The following IRGM variants were observed in gnomAD, a reference collection of about 807,000 sequenced individuals.
IRGM encodes the protein immunity related GTPase M, also known as immunity-related GTPase family M protein.
For synonymous variants in IRGM, 98 were observed against 80.6 expected, an observed-to-expected ratio of 1.22 and a Z score of -1.16; for missense variants, 288 against 219.9, an observed-to-expected ratio of 1.31 and a Z score of -1.96.
In IRGM at chr5:150,896,527, C is replaced by T. The variant is rs766855152; in HGVS notation, c.*141-4062C>T. On this transcript the variant is annotated intron_variant and NMD_transcript_variant, in intron 3 of 3. Coordinates refer to the IRGM transcript ENST00000520549. The stretch of plus-strand genomic sequence containing the variant: ...CACTGATTATCATCAAAAGGTATTA[C>T]TCCATTGTGAATCTTCTCAAGATTA... 1.2e-5 allele frequency: 20 copies of T among 1,613,566 alleles called. No individual in the cohort carries two copies. Among genetic ancestry groups the T allele is most frequent in the Admixed American group, 1.7e-5 (1 of 59,890 alleles).
At chr5:150,877,405 A>G (rs186652249) in intron 1 of IRGM, among the ~76,000 whole-genome samples, 2 of 152,140 alleles carry the variant, frequency 1.3e-5, no homozygotes, top group South Asian at 4.1e-4. Context: ...TCTTTCCCTC[A>G]TGCTGAATGC....
intron 1 of IRGM, among the ~76,000 whole-genome samples, chr5:150,873,737 C>T (rs1435846626): frequency 6.6e-6 from 1 of 152,184 alleles, no homozygotes; most frequent in African/African-American, 2.4e-5. Flanking sequence ...TGGCAGAACC[C>T]CCACAGTGGC....
intron 2 of IRGM, among the ~76,000 whole-genome samples, chr5:150,879,305 A>G (rs11747270): frequency 0.21 from 31,803 of 152,138 alleles, 5,370 homozygotes; most frequent in African/African-American, 0.45. Flanking sequence ...TGAGGTCTGT[A>G]TTACATAAAT....
At chr5:150,865,705 A>C (rs1302187432) in intron 1 of IRGM, among the ~76,000 whole-genome samples, 1 of 152,206 alleles carries the variant, frequency 6.6e-6, no homozygotes, top group Non-Finnish European at 1.5e-5. Context: ...ACGCCTCTCC[A>C]CATTTCTAAA....
chr5:150,883,359 GA>G (rs1754472655), intron 3 of IRGM, among the ~76,000 whole-genome samples: 1 of 143,732 alleles, frequency 7.0e-6, no homozygotes, highest in African/African-American at 2.8e-5. Flanking sequence ...AAAAAGATAA[GA>G]AAAACTAAGC....
chr5:150,885,036 T>A (rs566089657), intron 3 of IRGM, among the ~76,000 whole-genome samples: 9 of 152,180 alleles, frequency 5.9e-5, no homozygotes, highest in Admixed American at 1.3e-4. Context: ...TTCCAGAATG[T>A]TTATAGTTTT....
intron 1 of IRGM, among the ~76,000 whole-genome samples, chr5:150,873,607 G>T (rs761099201): frequency 2.0e-5 from 3 of 151,960 alleles, no homozygotes; most frequent in African/African-American, 4.9e-5. Flanking sequence ...TGGAGATCAG[G>T]TAATTAATGG....
intron 3 of IRGM, among the ~76,000 whole-genome samples, chr5:150,885,409 C>G (rs1016458236): frequency 6.6e-6 from 1 of 151,866 alleles, no homozygotes; most frequent in African/African-American, 2.4e-5. Flanking sequence ...ATCTTTTTGT[C>G]TTCCATATGA....
chr5:150,861,570 C>A (rs937624893), intron 1 of IRGM, among the ~76,000 whole-genome samples: 42 of 152,092 alleles, frequency 2.8e-4, no homozygotes, highest in African/African-American at 1.0e-3. Context: ...TCCAAATGGG[C>A]ATGTTTGTTC....
intron 1 of IRGM, among the ~76,000 whole-genome samples, chr5:150,863,874 A>C (rs1649753696): frequency 1.3e-5 from 2 of 152,300 alleles, no homozygotes; most frequent in African/African-American, 2.4e-5. Flanking sequence ...CTAGTTTTGA[A>C]AGGGTCTTCC....
At chr5:150,877,131 T>G (rs1347105084) in intron 1 of IRGM, among the ~76,000 whole-genome samples, 1 of 152,158 alleles carries the variant, frequency 6.6e-6, no homozygotes, top group African/African-American at 2.4e-5. Flanking sequence ...TTTCAGGAGA[T>G]GTATATGGGT....
At chr5:150,848,723 T>A (rs1753927799), downstream of IRGM, 18 of 1,288,460 alleles carry the variant, frequency 1.4e-5, no homozygotes, top group Non-Finnish European at 1.6e-5. Flanking sequence ...CTTTTCTCCT[T>A]TATTTCACTG....
intron 1 of IRGM, among the ~76,000 whole-genome samples, chr5:150,856,198 C>T (rs1245623067): frequency 6.6e-6 from 1 of 151,902 alleles, no homozygotes; most frequent in African/African-American, 2.4e-5. Context: ...TTTGAGAGGC[C>T]AAGGCAGGTG....
In IRGM at chr5:150,847,786, T is replaced by G; in HGVS notation, c.-338T>G. ...CTATTAGCTGCATCCTTAACCTCTT[T>G]TTGCCACACCATAAGCATTGGGTTT... On this transcript the variant is annotated 5_prime_UTR_variant, in exon 2 of 2. Coordinates refer to ENST00000522154, the MANE Select transcript of IRGM (RefSeq NM_001145805.2). 3.9e-6 allele frequency: 1 copy of G among 259,222 alleles called. No homozygotes were observed. The highest frequency in any genetic ancestry group is 7.5e-6 in the Non-Finnish European group (1 of 133,652). 16.1% of individuals were successfully genotyped at this position (259,222 alleles called of 1,614,324 possible). A position where few individuals can be genotyped will look rare whatever the true frequency, so the allele number is the denominator to read the frequency against.
At chr5:150,878,652 A>C (rs1754401060) in intron 2 of IRGM, among the ~76,000 whole-genome samples, 1 of 152,144 alleles carries the variant, frequency 6.6e-6, no homozygotes, top group Non-Finnish European at 1.5e-5. Context: ...ACTGAAGGGT[A>C]TTCCCAATTC....
chr5:150,857,219 A>G (rs372034827), intron 1 of IRGM, among the ~76,000 whole-genome samples: 9 of 152,018 alleles, frequency 5.9e-5, no homozygotes, highest in Admixed American at 5.9e-4. Flanking sequence ...GCTGAGAATG[A>G]TGGTTTCCAG....
chr5:150,851,531 T>C (rs1753975391), downstream of IRGM, among the ~76,000 whole-genome samples: 1 of 152,310 alleles, frequency 6.6e-6, no homozygotes, highest in East Asian at 1.9e-4. Context: ...TTGTATATGA[T>C]TGAATTTTTT....
chr5:150,850,978 A>T (rs1753966809), downstream of IRGM, among the ~76,000 whole-genome samples: 2 of 152,218 alleles, frequency 1.3e-5, no homozygotes, highest in South Asian at 4.1e-4. Flanking sequence ...GAAAAACAAA[A>T]TTCATCTCTA....
chr5:150,862,195 T>C (rs1431368258), intron 1 of IRGM, among the ~76,000 whole-genome samples: 1 of 152,270 alleles, frequency 6.6e-6, no homozygotes, highest in African/African-American at 2.4e-5. Context: ...ATGTGGCACT[T>C]ATTTTCCATA....
Sources: gnomAD v4.1 joint callset for allele counts (sites outside exome capture counted in the v4.1 genomes callset) on GRCh38, gnomAD v4.1.1 for gene constraint, MANE v1.5 for transcripts, NCBI Gene and HGNC (gene_info 2026-07-23, HGNC 2026-07-21) for gene names.